Variants in PPP1R14C observed in about 807,000 individuals in gnomAD.
PPP1R14C encodes protein phosphatase 1 regulatory subunit 14C.
A neutral mutation model predicts 20.4 loss-of-function variants in PPP1R14C; 16 were observed. That is an observed-to-expected ratio of 0.78 (90% CI 0.53 to 1.19). The LOEUF (loss-of-function observed/expected upper bound fraction) is 1.19. Among genes scored for constraint, PPP1R14C ranks in the 50% most tolerant of loss-of-function variants. The probability of loss-of-function intolerance (pLI) is 0.00; values close to 1 mark genes in which losing one functional copy is unlikely to be tolerated. For missense variants in PPP1R14C, 211 were observed against 220.1 expected, an observed-to-expected ratio of 0.96 and a Z score of 0.26; for synonymous variants, 91 against 91.0, an observed-to-expected ratio of 1.00 and a Z score of 0.00.
intron 1 of PPP1R14C, among the ~76,000 whole-genome samples, chr6:150,165,819 C>A (rs183820970): frequency 1.2e-3 from 187 of 152,076 alleles, no homozygotes; most frequent in Non-Finnish European, 2.4e-3. Flanking sequence ...CAAACAAAAC[C>A]CTACAAAGAA....
chr6:150,240,719 T>A (rs1450641105), intron 3 of PPP1R14C, among the ~76,000 whole-genome samples: 2 of 152,230 alleles, frequency 1.3e-5, no homozygotes, highest in Admixed American at 6.5e-5. Context: ...CAGCCTCTGA[T>A]CCTTTTGTTA....
chr6:150,217,196 T>TG (rs1491188420), intron 3 of PPP1R14C, among the ~76,000 whole-genome samples: 1 of 134,550 alleles, frequency 7.4e-6, no homozygotes, highest in Non-Finnish European at 1.6e-5. Context: ...TTGGTATGTA[T>TG]TTTTTTTTTT....
At chr6:150,218,381 C>A (rs1182473550) in intron 3 of PPP1R14C, among the ~76,000 whole-genome samples, 6 of 149,124 alleles carry the variant, frequency 4.0e-5, no homozygotes, top group African/African-American at 1.2e-4. Context: ...CCAGCCTGGG[C>A]GACAGAGCGA....
At chr6:150,214,649 T>G in intron 1 of PPP1R14C, 95 bp from the exon 2 acceptor site, 12 of 812,506 alleles carry the variant, frequency 1.5e-5, no homozygotes, top group East Asian at 8.5e-5. Flanking sequence ...TCTCAATTGA[T>G]GATCTAGTTG....
chr6:150,240,709 C>G (rs1778422141), intron 3 of PPP1R14C, among the ~76,000 whole-genome samples: 1 of 152,192 alleles, frequency 6.6e-6, no homozygotes, highest in African/African-American at 2.4e-5. Context: ...GGAAAGAGAA[C>G]AGCCTCTGAT....
Position 150,148,487 on chromosome 6 carries a change from G to A in PPP1R14C, c.306+4989G>A, listed in dbSNP as rs942468745. On this transcript the variant is annotated intron_variant, in intron 1 of 3. Transcript: ENST00000361131. Reference sequence around the variant, plus strand: ...TTGTAAATGGACTGTGAGTGCATGTGGAGGACACCACTGTTAGCGGGTTAG... The same window carrying A: ...TTGTAAATGGACTGTGAGTGCATGTAGAGGACACCACTGTTAGCGGGTTAG... Among the ~76,000 whole-genome samples, 3 of 152,238 alleles carry A rather than the reference G, an allele frequency of 2.0e-5. No individual in the cohort carries two copies. The South Asian group carries it at 6.2e-4, about 31-fold the overall frequency.
rs189400727 is a variant in PPP1R14C, at chr6:150,222,221, T to G, written c.423+5365T>G. 6.6e-5 allele frequency among the ~76,000 whole-genome samples: 9 copies of G among 136,824 alleles called. No homozygotes were observed. The East Asian group carries it at 1.5e-3, about 24-fold the overall frequency. The allele number at this position is 136,824 out of a possible 152,430, so 89.8% of individuals were successfully genotyped here. A position where few individuals can be genotyped will look rare whatever the true frequency, so the allele number is the denominator to read the frequency against. ...CATGTATTAACAGATTTAATCTTTTTTTTCAGAAAAATCTTGACATTTGTT... is the reference window on the plus strand; with the variant it reads ...CATGTATTAACAGATTTAATCTTTTGTTTCAGAAAAATCTTGACATTTGTT... On this transcript the variant is annotated intron_variant, in intron 3 of 3. Coordinates refer to ENST00000361131, the MANE Select transcript of PPP1R14C (RefSeq NM_030949.3).
intron 3 of PPP1R14C, among the ~76,000 whole-genome samples, chr6:150,221,860 A>G (rs1778171209): frequency 2.0e-5 from 3 of 152,122 alleles, no homozygotes; most frequent in Admixed American, 6.5e-5. Flanking sequence ...GCGTGGTGGC[A>G]CAATCTTAGC....
In PPP1R14C at chr6:150,186,904, CTGAG is replaced by C. The variant is rs546456497; in HGVS notation, c.307-27835_307-27832del. 7.6e-3 allele frequency among the ~76,000 whole-genome samples: 1,149 copies of C among 152,020 alleles called. 7 individuals carry two copies. The highest frequency in any genetic ancestry group is 0.013 in the Non-Finnish European group (908 of 68,002). ...CAAGCCAGGGAGTCAGAATTTTCAG[CTGAG>C]TGAGGAGCCATGGAAGCAGTGGTGT... is the stretch of plus-strand genomic sequence containing the variant. On this transcript the variant is annotated intron_variant, in intron 1 of 3. Coordinates refer to ENST00000361131, the MANE Select transcript of PPP1R14C (RefSeq NM_030949.3).
At chr6:150,242,932 A>T (rs915547731) in intron 3 of PPP1R14C, among the ~76,000 whole-genome samples, 4 of 152,234 alleles carry the variant, frequency 2.6e-5, no homozygotes, top group African/African-American at 9.6e-5. Flanking sequence ...ACTGTTTACA[A>T]TAACATCAAC....
chr6:150,191,743 A>G (rs1245011118), intron 1 of PPP1R14C, among the ~76,000 whole-genome samples: 1 of 152,244 alleles, frequency 6.6e-6, no homozygotes, highest in African/African-American at 2.4e-5. Flanking sequence ...GCTATTCTTT[A>G]GCATCTCAGA....
At chr6:150,217,534 T>A (rs137860546) in intron 3 of PPP1R14C, among the ~76,000 whole-genome samples, 1 of 152,316 alleles carries the variant, frequency 6.6e-6, no homozygotes, top group East Asian at 1.9e-4. Flanking sequence ...GGCAGGTCTG[T>A]CTTTCCAAAG....
At chr6:150,173,387 C>T (rs574364043) in intron 1 of PPP1R14C, among the ~76,000 whole-genome samples, 13 of 152,118 alleles carry the variant, frequency 8.5e-5, no homozygotes, top group African/African-American at 2.7e-4. Context: ...CTTTTCCACT[C>T]ATGTGGAGCC....
At chr6:150,176,806 G>A (rs1273032271) in intron 1 of PPP1R14C, among the ~76,000 whole-genome samples, 3 of 152,216 alleles carry the variant, frequency 2.0e-5, no homozygotes. Flanking sequence ...GCCTGAAGGA[G>A]TGGCTTCAAA....
chr6:150,164,308 G>A (rs1777402047), intron 1 of PPP1R14C, among the ~76,000 whole-genome samples: 1 of 152,172 alleles, frequency 6.6e-6, no homozygotes, highest in African/African-American at 2.4e-5. Context: ...TCAGAAATAT[G>A]TGTCCCACTT....
At chr6:150,162,961 G>A (rs1307562827) in intron 1 of PPP1R14C, among the ~76,000 whole-genome samples, 1 of 152,168 alleles carries the variant, frequency 6.6e-6, no homozygotes, top group African/African-American at 2.4e-5. Flanking sequence ...CACCAGCGGT[G>A]TGCAAAGCCC....
chr6:150,159,560 C>G (rs1430182725), intron 1 of PPP1R14C, among the ~76,000 whole-genome samples: 2 of 151,966 alleles, frequency 1.3e-5, no homozygotes, highest in African/African-American at 4.8e-5. Flanking sequence ...CGCTGTCCTT[C>G]TGTCCCTCCT....
At chr6:150,231,368 C>T (rs1007146016) in intron 3 of PPP1R14C, among the ~76,000 whole-genome samples, 3 of 152,172 alleles carry the variant, frequency 2.0e-5, no homozygotes, top group Non-Finnish European at 4.4e-5. Context: ...CCACCCTTCC[C>T]CTAATGCTCT....
chr6:150,174,492 A>G (rs897872347), intron 1 of PPP1R14C, among the ~76,000 whole-genome samples: 3 of 151,838 alleles, frequency 2.0e-5, no homozygotes, highest in Non-Finnish European at 2.9e-5. Flanking sequence ...CTGGGATTAC[A>G]GGCGTGAGCC....
Sources: gnomAD v4.1 joint callset for allele counts (sites outside exome capture counted in the v4.1 genomes callset) on GRCh38, gnomAD v4.1.1 for gene constraint, MANE v1.5 for transcripts, NCBI Gene and HGNC (gene_info 2026-07-23, HGNC 2026-07-21) for gene names.